CLEC16A: variants seen among roughly 807,000 people sequenced by gnomAD.
The protein encoded by CLEC16A is C-type lectin domain containing 16A.
Under a neutral mutation model 109.5 loss-of-function variants are expected in CLEC16A, and 51 were observed. That is an observed-to-expected ratio of 0.47 (90% CI 0.37 to 0.59). The LOEUF (loss-of-function observed/expected upper bound fraction) is 0.59, where lower values mean the gene tolerates loss of function less well. Among genes scored for constraint, CLEC16A ranks in the 20% least tolerant of loss-of-function variants. The pLI, the probability that CLEC16A is intolerant of heterozygous loss-of-function variation, is 0.00. For synonymous variants in CLEC16A, 673 were observed against 564.2 expected (o/e 1.19, Z -2.73); for missense variants, 1,339 against 1,394.0 (o/e 0.96, Z 0.63).
At chr16:11,039,730 T>TTA in intron 13 of CLEC16A, 24 bp from the exon 14 acceptor site, 1 of 1,582,840 alleles carries the variant, frequency 6.3e-7, no homozygotes. Flanking sequence ...AGGCCTCCAC[T>TTA]TACATCCTTC....
intron 13 of CLEC16A, chr16:11,027,067 A>G: frequency 3.2e-6 from 5 of 1,554,482 alleles, no homozygotes; most frequent in South Asian, 1.1e-5. Flanking sequence ...GTTCCAGAAA[A>G]TCTCCTGAAA....
chr16:11,120,778 A>C lies in CLEC16A; in HGVS notation c.2268+12A>C. On this transcript the variant is annotated intron_variant, in intron 20 of 23. Transcript: ENST00000409790. ...CAGGCCTATTGCAGGTAAGATGGCCAGGAGCTCTGGGATCTGTTCTCAGTT... is the reference window on the plus strand; with the variant it reads ...CAGGCCTATTGCAGGTAAGATGGCCCGGAGCTCTGGGATCTGTTCTCAGTT... The C allele has an allele frequency of 4.6e-6, 7 of 1,513,214 alleles. No homozygotes were observed. The highest frequency in any genetic ancestry group is 6.2e-6 in the Non-Finnish European group (7 of 1,123,130). 93.7% of individuals were successfully genotyped at this position (1,513,214 alleles called of 1,614,324 possible).
chr16:11,133,087 G>C (rs757779675), intron 22 of CLEC16A, among the ~76,000 whole-genome samples: 8 of 152,168 alleles, frequency 5.3e-5, no homozygotes, highest in Non-Finnish European at 1.0e-4. Context: ...GGCTCCAGCT[G>C]TCTTGTGGTA....
intron 3 of CLEC16A, among the ~76,000 whole-genome samples, chr16:10,964,844 TATCC>T (rs1456441631): frequency 1.3e-5 from 2 of 152,232 alleles, no homozygotes; most frequent in Non-Finnish European, 2.9e-5. Flanking sequence ...TGAATTAACA[TATCC>T]ATCACCTCAC....
intron 10 of CLEC16A, among the ~76,000 whole-genome samples, chr16:10,995,342 C>A (rs1464948799): frequency 6.6e-6 from 1 of 152,226 alleles, no homozygotes; most frequent in Non-Finnish European, 1.5e-5. Flanking sequence ...CTGAATCCCA[C>A]CCTGGCTTTG....
intron 10 of CLEC16A, among the ~76,000 whole-genome samples, chr16:10,986,731 ATGTGTGTGTGTG>A (rs59931468): frequency 0.17 from 25,865 of 150,194 alleles, 2,331 homozygotes; most frequent in South Asian, 0.31. Flanking sequence ...TTAAGGCTCA[ATGTGTGTGTGTG>A]TGTGTGTGTG....
At chr16:11,167,550 C>T (rs1307840060) in intron 23 of CLEC16A, among the ~76,000 whole-genome samples, 2 of 152,182 alleles carry the variant, frequency 1.3e-5, no homozygotes, top group African/African-American at 2.4e-5. Flanking sequence ...GCCAAGATCT[C>T]CCTGGGCACC....
chr16:11,049,579 T>C (rs187570006), intron 17 of CLEC16A, among the ~76,000 whole-genome samples: 1 of 152,334 alleles, frequency 6.6e-6, no homozygotes. Context: ...ACGCCCTTGC[T>C]CTGTATCTGA....
chr16:11,139,954 A>G (rs1391144118), intron 22 of CLEC16A, among the ~76,000 whole-genome samples: 1 of 152,240 alleles, frequency 6.6e-6, no homozygotes, highest in Non-Finnish European at 1.5e-5. Context: ...TAAATACTGT[A>G]TAAAGTTATT....
intron 22 of CLEC16A, among the ~76,000 whole-genome samples, chr16:11,163,718 C>T (rs2054805480): frequency 6.6e-6 from 1 of 152,172 alleles, no homozygotes; most frequent in Non-Finnish European, 1.5e-5. Context: ...GTGTCTTCTT[C>T]AAATGGGCCT....
At chr16:11,053,179 C>T (rs1395672334) in intron 18 of CLEC16A, among the ~76,000 whole-genome samples, 1 of 152,150 alleles carries the variant, frequency 6.6e-6, no homozygotes, top group African/African-American at 2.4e-5. Flanking sequence ...ACATGTACCA[C>T]CACACCCAGC....
intron 17 of CLEC16A, among the ~76,000 whole-genome samples, chr16:11,050,590 A>T (rs2047886811): frequency 6.6e-6 from 1 of 152,232 alleles, no homozygotes; most frequent in Middle Eastern, 3.2e-3. Context: ...ACTACTACTG[A>T]TGCAGCAGAG....
At chr16:11,169,164 G>A (rs1291390145) in intron 23 of CLEC16A, among the ~76,000 whole-genome samples, 2 of 152,180 alleles carry the variant, frequency 1.3e-5, no homozygotes, top group Admixed American at 6.5e-5. Context: ...AGGCGATCCC[G>A]TCTCTGTGAT....
intron 22 of CLEC16A, among the ~76,000 whole-genome samples, chr16:11,129,912 A>G (rs1033072629): frequency 6.6e-6 from 1 of 151,730 alleles, no homozygotes; most frequent in Admixed American, 6.6e-5. Flanking sequence ...ACAGGCGCCC[A>G]CCACCACGCC....
At chr16:11,031,643 A>G (rs552181464) in intron 13 of CLEC16A, among the ~76,000 whole-genome samples, 111 of 152,362 alleles carry the variant, frequency 7.3e-4, no homozygotes, top group African/African-American at 2.5e-3. Context: ...CACTGGGATC[A>G]GTATTGGGGA....
At chr16:11,062,830 T>C (rs1283619929) in intron 19 of CLEC16A, among the ~76,000 whole-genome samples, 2 of 138,456 alleles carry the variant, frequency 1.4e-5, no homozygotes, top group African/African-American at 2.7e-5. Flanking sequence ...TCAAGTTGGC[T>C]GCAAAGAATC....
intron 19 of CLEC16A, among the ~76,000 whole-genome samples, chr16:11,097,466 T>TA (rs1380860734): frequency 1.3e-5 from 2 of 152,240 alleles, no homozygotes. Context: ...GAAATATTTT[T>TA]AAAAAGCTTA....
rs1189575859 is a variant in CLEC16A, at chr16:10,973,003, G to T, written c.670G>T (p.Val224Phe). Residue 224 changes from valine (V) to phenylalanine (F), a missense_variant, in exon 7 of 24, where the codon GTC becomes TTC. Transcript: ENST00000409790. ...KTAVPYFSNLVWFIGSHVIEL... is the reference protein window; with the variant it reads ...KTAVPYFSNLFWFIGSHVIEL... ...TGCTGTTCCTTACTTCTCCAATTTG[G>T]TCTGGTTCATTGGGAGCCATGTGAT... The T allele has an allele frequency of 6.2e-7, 1 of 1,611,040 alleles. No homozygotes were observed.
intron 19 of CLEC16A, among the ~76,000 whole-genome samples, chr16:11,072,107 A>G (rs572348769): frequency 6.6e-6 from 1 of 152,240 alleles, no homozygotes; most frequent in African/African-American, 2.4e-5. Flanking sequence ...GGTGAAGGGT[A>G]CATGTTTGTC....
Sources: gnomAD v4.1 joint callset for allele counts (sites outside exome capture counted in the v4.1 genomes callset) on GRCh38, gnomAD v4.1.1 for gene constraint, MANE v1.5 for transcripts, NCBI Gene and HGNC (gene_info 2026-07-23, HGNC 2026-07-21) for gene names.